KLRG2: variants seen among roughly 807,000 people sequenced by gnomAD.
The protein encoded by KLRG2 is killer cell lectin like receptor G2, also known as killer cell lectin-like receptor subfamily G member 2.
KLRG2 carries 39 observed loss-of-function variants against 35.4 expected under a neutral mutation model. The observed-to-expected ratio is 1.10, with a 90% CI of 0.85 to 1.44. The LOEUF (loss-of-function observed/expected upper bound fraction) is 1.44. Ranked by LOEUF, KLRG2 falls within the 40% of genes most tolerant of loss-of-function variation. KLRG2 has a pLI of 0.00. For synonymous variants in KLRG2, 283 were observed against 265.8 expected (o/e 1.06, Z -0.63); for missense variants, 632 against 570.9 (o/e 1.11, Z -1.09).
chr7:139,462,445 C>T (rs188628711), intron 3 of KLRG2, among the ~76,000 whole-genome samples: 1 of 152,204 alleles, frequency 6.6e-6, no homozygotes, highest in Non-Finnish European at 1.5e-5. Context: ...AGCATCCCCC[C>T]ACCTTCTCTC....
downstream of KLRG2, among the ~76,000 whole-genome samples, chr7:139,450,215 GT>G (rs1261869139): frequency 1.4e-4 from 19 of 139,378 alleles, no homozygotes; most frequent in Non-Finnish European, 1.4e-4. Context: ...GCTAATGTTT[GT>G]TTTTTTTTTT....
chr7:139,443,800 G>T, the KLRG2 span, among the ~76,000 whole-genome samples: 4 of 152,068 alleles, frequency 2.6e-5, no homozygotes, highest in Non-Finnish European at 4.4e-5. Context: ...GACCTCGTCC[G>T]CCCACCACGG....
downstream of KLRG2, among the ~76,000 whole-genome samples, chr7:139,451,966 CTTTTTTTTT>C (rs58186917): frequency 8.5e-6 from 1 of 117,224 alleles, no homozygotes; most frequent in African/African-American, 3.5e-5. Flanking sequence ...TTTCCATGTC[CTTTTTTTTT>C]TTTTTTTTTT....
At chr7:139,461,568 T>C (rs1193171348) in intron 3 of KLRG2, among the ~76,000 whole-genome samples, 2 of 152,048 alleles carry the variant, frequency 1.3e-5, no homozygotes, top group East Asian at 1.9e-4. Flanking sequence ...GAACTGAAAA[T>C]GCCCTGTTCC....
At chr7:139,444,969 G>A in the KLRG2 span, among the ~76,000 whole-genome samples, 1 of 152,242 alleles carries the variant, frequency 6.6e-6, no homozygotes, top group South Asian at 2.1e-4. Context: ...AACATAAACT[G>A]TGACAAGAGA....
At chr7:139,470,945 C>T (rs908755399) in intron 3 of KLRG2, among the ~76,000 whole-genome samples, 3 of 151,578 alleles carry the variant, frequency 2.0e-5, no homozygotes, top group South Asian at 2.1e-4. Flanking sequence ...CAGGTTAAAG[C>T]GATTCTCCTG....
intron 3 of KLRG2, among the ~76,000 whole-genome samples, chr7:139,478,364 C>CA (rs35355853): frequency 0.24 from 23,053 of 95,282 alleles, 2,137 homozygotes; most frequent in Middle Eastern, 0.31. Context: ...GGACCTGTTT[C>CA]AAAAAAAAAA....
At chr7:139,453,762 C>A in intron 4 of KLRG2, 55 bp from the exon 5 acceptor site, 1 of 1,607,004 alleles carries the variant, frequency 6.2e-7, no homozygotes, top group Non-Finnish European at 8.5e-7. Context: ...CGGGGCCTTG[C>A]TTCCCAGCCA....
chr7:139,446,739 C>G, the KLRG2 span, among the ~76,000 whole-genome samples: 1 of 152,010 alleles, frequency 6.6e-6, no homozygotes, highest in South Asian at 2.1e-4. Flanking sequence ...CCGCCTCCTC[C>G]GACCATCGGC....
intron 4 of KLRG2, 55 bp from the exon 5 acceptor site, chr7:139,453,762 C>G: frequency 1.2e-6 from 2 of 1,607,004 alleles, no homozygotes; most frequent in Non-Finnish European, 8.5e-7. Context: ...CGGGGCCTTG[C>G]TTCCCAGCCA....
At chr7:139,479,359 G>A (rs1796912540) in intron 3 of KLRG2, among the ~76,000 whole-genome samples, 1 of 152,192 alleles carries the variant, frequency 6.6e-6, no homozygotes, top group South Asian at 2.1e-4. Context: ...GGGATTACAG[G>A]TGTGAGCCAC....
At chr7:139,444,976 G>C in the KLRG2 span, among the ~76,000 whole-genome samples, 1 of 152,082 alleles carries the variant, frequency 6.6e-6, no homozygotes, top group Non-Finnish European at 1.5e-5. Context: ...ACTGTGACAA[G>C]AGACGAGATT....
In KLRG2 at chr7:139,480,257, G is replaced by C; in HGVS notation, c.758-10C>G. The C allele has an allele frequency of 3.3e-6, 5 of 1,498,826 alleles. No individual in the cohort carries two copies. Among genetic ancestry groups the C allele is most frequent in the Non-Finnish European group, 4.6e-6 (5 of 1,075,302 alleles). The allele number at this position is 1,498,826 out of a possible 1,614,324, so 92.8% of individuals were successfully genotyped here. A position where few individuals can be genotyped will look rare whatever the true frequency, so the allele number is the denominator to read the frequency against. Reference sequence around the variant, plus strand: ...ACGTACATGGGTAGCCCTGGGACGGGGGCAAACAGGATAATCAGATTAGTG... The same window carrying C: ...ACGTACATGGGTAGCCCTGGGACGGCGGCAAACAGGATAATCAGATTAGTG... On this transcript the variant is annotated splice_polypyrimidine_tract_variant and intron_variant, in intron 1 of 4. Transcript: ENST00000340940.
In KLRG2 at chr7:139,483,455, T is replaced by G. The variant is rs759252551; in HGVS notation, c.188A>C (p.Glu63Ala). 1.2e-5 allele frequency: 19 copies of G among 1,588,764 alleles called. No individual in the cohort carries two copies. In the Middle Eastern group the frequency reaches 7.0e-4, roughly 59 times the overall value. The change falls in exon 1 of 5, where the codon GAG becomes GCG. Residue 63 changes from glutamate (E) to alanine (A), a missense_variant. Physicochemically the swap from Glu to Ala is moderately radical, Grantham distance 107. Transcript: ENST00000340940. ...AVEKAAGAGL[E>A]PSSKKKPPSP... ...AGGCGGCTTTTTCTTGCTCGAGGGC[T>G]CCAGGCCTGCGCCCGCCGCCTTCTC...
intron 3 of KLRG2, among the ~76,000 whole-genome samples, chr7:139,455,130 C>G (rs1039022671): frequency 2.0e-5 from 3 of 150,128 alleles, no homozygotes; most frequent in Non-Finnish European, 4.4e-5. Context: ...CCGATTCTCC[C>G]GCCTCAGCCT....
chr7:139,479,958 T>C (rs983601253), intron 2 of KLRG2, among the ~76,000 whole-genome samples, 186 bp from the exon 3 acceptor site: 1 of 152,244 alleles, frequency 6.6e-6, no homozygotes, highest in Non-Finnish European at 1.5e-5. Flanking sequence ...TGATTGCTTA[T>C]CAGGGCACAA....
chr7:139,454,834 TAATAA>T (rs1213059574), intron 3 of KLRG2, among the ~76,000 whole-genome samples: 2 of 75,012 alleles, frequency 2.7e-5, no homozygotes, highest in Non-Finnish European at 4.5e-5. Context: ...ATAATAATAA[TAATAA>T]TAATAATAAT....
chr7:139,471,877 G>A (rs1796762714), intron 3 of KLRG2, among the ~76,000 whole-genome samples: 2 of 152,172 alleles, frequency 1.3e-5, no homozygotes, highest in Admixed American at 6.5e-5. Context: ...GAGTCTCAGA[G>A]GAGGTGTGTG....
the KLRG2 span, among the ~76,000 whole-genome samples, chr7:139,446,342 T>TG: frequency 1.4e-5 from 2 of 144,826 alleles, no homozygotes; most frequent in South Asian, 2.3e-4. Context: ...CAGGGTTTTT[T>TG]TTTTTTTTTT....
Sources: gnomAD v4.1 joint callset for allele counts (sites outside exome capture counted in the v4.1 genomes callset) on GRCh38, gnomAD v4.1.1 for gene constraint, MANE v1.5 for transcripts, NCBI Gene and HGNC (gene_info 2026-07-23, HGNC 2026-07-21) for gene names.